MAP4: variants seen among roughly 807,000 people sequenced by gnomAD.
The protein encoded by MAP4 is microtubule-associated protein 4.
MAP4 carries 76 observed loss-of-function variants against 170.2 expected under a neutral mutation model. That is an observed-to-expected ratio of 0.45 (90% CI 0.37 to 0.54). The LOEUF (loss-of-function observed/expected upper bound fraction) is 0.54. Among genes scored for constraint, MAP4 ranks in the 20% least tolerant of loss-of-function variants. The pLI is 0.00. For synonymous variants in MAP4, 909 were observed against 994.5 expected, an observed-to-expected ratio of 0.91 and a Z score of 1.62; for missense variants, 2,506 against 2,748.0, an observed-to-expected ratio of 0.91 and a Z score of 1.97.
intron 1 of MAP4, among the ~76,000 whole-genome samples, chr3:48,056,934 TG>T (rs1327305324): frequency 1.7e-4 from 14 of 80,756 alleles, no homozygotes; most frequent in Non-Finnish European, 2.4e-4. Context: ...GGGAGGGAGG[TG>T]GGGGGTTCAG....
chr3:48,046,055 T>TTTCG (rs2100124441), intron 1 of MAP4, among the ~76,000 whole-genome samples: 1 of 151,892 alleles, frequency 6.6e-6, no homozygotes, highest in Non-Finnish European at 1.5e-5. Flanking sequence ...CACTAAGTTA[T>TTTCG]TTCGGCTACA....
intron 10 of MAP4, among the ~76,000 whole-genome samples, chr3:47,887,351 C>A (rs2097772219): frequency 1.3e-5 from 2 of 152,228 alleles, no homozygotes; most frequent in African/African-American, 4.8e-5. Context: ...AGCACCCGGG[C>A]CAGTGGCTGC....
intron 3 of MAP4, among the ~76,000 whole-genome samples, chr3:47,957,271 G>GA (rs2154143526): frequency 6.6e-6 from 1 of 152,312 alleles, no homozygotes; most frequent in Admixed American, 6.5e-5. Flanking sequence ...GGGTTCAAGT[G>GA]ATTCTCCCGC....
At chr3:47,913,756 A>T (rs944473114) in intron 8 of MAP4, among the ~76,000 whole-genome samples, 3 of 152,236 alleles carry the variant, frequency 2.0e-5, no homozygotes, top group African/African-American at 7.2e-5. Context: ...TGTGCAAAGC[A>T]TTAGAGATTC....
intron 9 of MAP4, among the ~76,000 whole-genome samples, chr3:47,904,470 C>G (rs2100031774): frequency 6.6e-6 from 1 of 151,770 alleles, no homozygotes; most frequent in Non-Finnish European, 1.5e-5. Flanking sequence ...CGCTGTCATA[C>G]CCAGCTAATT....
At chr3:47,985,475 T>A (rs548627259) in intron 2 of MAP4, among the ~76,000 whole-genome samples, 145 of 151,892 alleles carry the variant, frequency 9.5e-4, no homozygotes, top group African/African-American at 3.4e-3. Flanking sequence ...TGGAAAAAAA[T>A]TACAGTAAAG....
chr3:47,974,866 A>G, intron 3 of MAP4: 6 of 967,654 alleles, frequency 6.2e-6, no homozygotes, highest in Non-Finnish European at 7.4e-6. Context: ...AAAACTTAAA[A>G]TATCTATCAT....
intron 2 of MAP4, among the ~76,000 whole-genome samples, chr3:47,984,433 T>C (rs1234401407): frequency 1.3e-5 from 2 of 152,252 alleles, no homozygotes; most frequent in African/African-American, 4.8e-5. Context: ...TTTGCTTAGA[T>C]ACTAAAATAG....
intron 1 of MAP4, among the ~76,000 whole-genome samples, chr3:48,015,698 A>G (rs2100107446): frequency 6.6e-6 from 1 of 152,146 alleles, no homozygotes; most frequent in African/African-American, 2.4e-5. Flanking sequence ...TGCTGTTTTT[A>G]ATTTATTTAA....
chr3:47,970,851 A>G (rs1168071311), intron 3 of MAP4, among the ~76,000 whole-genome samples: 1 of 152,202 alleles, frequency 6.6e-6, no homozygotes, highest in African/African-American at 2.4e-5. Context: ...AATCAGAATT[A>G]TATTTTCACT....
At chr3:47,902,273 G>C (rs1022564434) in intron 10 of MAP4, among the ~76,000 whole-genome samples, 1 of 152,114 alleles carries the variant, frequency 6.6e-6, no homozygotes, top group Non-Finnish European at 1.5e-5. Context: ...GTATTTTTTG[G>C]AGGTTAAGAG....
chr3:47,871,547 TATC>T (rs1168213551), intron 13 of MAP4, among the ~76,000 whole-genome samples: 1 of 152,084 alleles, frequency 6.6e-6, no homozygotes, highest in Non-Finnish European at 1.5e-5. Context: ...GCCCTCTTCT[TATC>T]ATCATGTAAG....
chr3:48,087,149 T>G (rs2100149471), intron 1 of MAP4, among the ~76,000 whole-genome samples: 1 of 152,210 alleles, frequency 6.6e-6, no homozygotes, highest in African/African-American at 2.4e-5. Flanking sequence ...ACATTTCATT[T>G]GAAAAGTAGT....
At chr3:47,984,814 C>T (rs1277986929) in intron 2 of MAP4, among the ~76,000 whole-genome samples, 2 of 151,698 alleles carry the variant, frequency 1.3e-5, no homozygotes, top group African/African-American at 4.8e-5. Flanking sequence ...AATAAAGATA[C>T]AAAAATTAGC....
chr3:47,918,801 C>A lies in MAP4; in HGVS notation c.570G>T (p.Trp190Cys), dbSNP rs761883593. ...GTGGAGAGTTTAAGGCTTCCACAGA[C>A]CACCCCTGAGGTACAACAGCTGTGT... is the stretch of plus-strand genomic sequence containing the variant. ...PCNTAVVPQG[W>C]SVEALNSPHS... The change falls in exon 6 of 21, where the codon TGG becomes TGT. Residue 190 changes from tryptophan (W) to cysteine (C), a missense_variant. Physicochemically the swap from Trp to Cys is radical, Grantham distance 215. Around this residue, in one of 3 missense-constraint regions of MAP4, gnomAD observed 2,008 missense variants for 2,206.0 expected, o/e 0.91. Coordinates refer to ENST00000683076, the MANE Select transcript of MAP4 (RefSeq NM_001385682.1). 6.2e-7 allele frequency: 1 copy of A among 1,613,054 alleles called. No homozygotes were observed. Among genetic ancestry groups the A allele is most frequent in the African/African-American group, 1.3e-5 (1 of 74,884 alleles).
In MAP4 at chr3:47,917,101, C is replaced by G; in HGVS notation, c.726G>C (p.Met242Ile). ...CCATGTCAGTAGTCTTCAGTCCCAT[C>G]ATTATTTCCAATGCTTGTGCTGGTG... ...ERPPAQALEI[M>I]MGLKTTDMAP... The change falls in exon 7 of 21, where the codon ATG becomes ATC. Residue 242 changes from methionine to isoleucine, a missense_variant. Met to Ile is a conservative substitution (Grantham distance 10, BLOSUM62 1). Around this residue, in one of 3 missense-constraint regions of MAP4, gnomAD observed 2,008 missense variants for 2,206.0 expected, o/e 0.91. Coordinates refer to ENST00000683076, the MANE Select transcript of MAP4 (RefSeq NM_001385682.1). The G allele has an allele frequency of 3.1e-6, 5 of 1,614,152 alleles. No individual in the cohort carries two copies. The highest frequency in any genetic ancestry group is 3.4e-6 in the Non-Finnish European group (4 of 1,179,990).
intron 1 of MAP4, among the ~76,000 whole-genome samples, chr3:48,086,939 T>TGG (rs1031878774): frequency 1.3e-4 from 20 of 152,332 alleles, no homozygotes; most frequent in Non-Finnish European, 2.1e-4. Flanking sequence ...AACTACTATG[T>TGG]GGGGGTTGGA....
At chr3:48,075,890 G>A (rs1280731049) in intron 1 of MAP4, among the ~76,000 whole-genome samples, 6 of 149,610 alleles carry the variant, frequency 4.0e-5, no homozygotes, top group East Asian at 2.0e-4. Context: ...CAGGAGAATC[G>A]CTTGAACCCG....
chr3:48,043,212 T>C (rs919340629), intron 1 of MAP4, among the ~76,000 whole-genome samples: 1 of 152,218 alleles, frequency 6.6e-6, no homozygotes, highest in Admixed American at 6.5e-5. Flanking sequence ...GCGATTCTTG[T>C]GCCTCAGCCT....
Sources: gnomAD v4.1 joint callset for allele counts (sites outside exome capture counted in the v4.1 genomes callset) on GRCh38, gnomAD v4.1.1 for gene constraint, gnomAD v4.1.1 regional missense constraint, MANE v1.5 for transcripts, NCBI Gene and HGNC (gene_info 2026-07-23, HGNC 2026-07-21) for gene names.